The following ZNF136 variants were observed in gnomAD, a reference collection of about 807,000 sequenced individuals.
ZNF136 encodes the protein zinc finger protein 136 (clone pHZ-20).
ZNF136 carries 8 observed loss-of-function variants against 11.4 expected under a neutral mutation model. The ratio of observed to expected loss-of-function variants is 0.70; its 90% CI spans 0.41 to 1.27. ZNF136 has a LOEUF of 1.27. Among genes scored for constraint, ZNF136 ranks in the 50% most tolerant of loss-of-function variants. The pLI, the probability that ZNF136 is intolerant of heterozygous loss-of-function variation, is 0.01. For missense variants in ZNF136, 590 were observed against 656.5 expected, an observed-to-expected ratio of 0.90 and a Z score of 1.11; for synonymous variants, 190 against 207.1, an observed-to-expected ratio of 0.92 and a Z score of 0.71.
chr19:12,166,412 G>T (rs561219418), intron 1 of ZNF136, among the ~76,000 whole-genome samples: 2 of 152,102 alleles, frequency 1.3e-5, no homozygotes, highest in African/African-American at 4.8e-5. Flanking sequence ...ATGGGGGTGG[G>T]GAGAACCAAC....
chr19:12,183,086 T>C (rs1914984016), intron 1 of ZNF136, among the ~76,000 whole-genome samples: 1 of 152,136 alleles, frequency 6.6e-6, no homozygotes, highest in Admixed American at 6.6e-5. Flanking sequence ...CCAGAACATA[T>C]ATGCAGTAAG....
In ZNF136 at chr19:12,165,231, G is replaced by A. The variant is rs1017918636; in HGVS notation, c.3+2025G>A. On this transcript the variant is annotated intron_variant, in intron 1 of 3. Transcript: ENST00000343979. ...TCGCGTAATGCAGTGTCTCTTGGGCGGGTGGTCACTGAGCATTTCAGTGAG... is the reference window on the plus strand; with the variant it reads ...TCGCGTAATGCAGTGTCTCTTGGGCAGGTGGTCACTGAGCATTTCAGTGAG... Among the ~76,000 whole-genome samples, 3 of 152,132 alleles carry A rather than the reference G, an allele frequency of 2.0e-5. No individual in the cohort carries two copies. The South Asian group carries it at 6.2e-4, about 32-fold the overall frequency.
chr19:12,186,880 T>C lies in ZNF136; in HGVS notation c.502T>C (p.Tyr168His). The change falls in exon 4 of 4, where the codon TAT becomes CAT. Residue 168 changes from tyrosine to histidine, a missense_variant. Physicochemically the swap from Tyr to His is moderately conservative, Grantham distance 83 (BLOSUM62 2). Transcript: ENST00000343979. ...HEIIHTGEKL[Y>H]DCKECGKTFF... ...GATAATTCACACTGGAGAGAAACTC[T>C]ATGATTGTAAGGAATGTGGAAAAAC... is the stretch of plus-strand genomic sequence containing the variant. The C allele has an allele frequency of 6.2e-7, 1 of 1,614,106 alleles. No individual in the cohort carries two copies. Among genetic ancestry groups the C allele is most frequent in the Non-Finnish European group, 8.5e-7 (1 of 1,180,006 alleles).
Position 12,186,890 on chromosome 19 carries a change from A to G in ZNF136, c.512A>G (p.Lys171Arg), listed in dbSNP as rs754173456. The change falls in exon 4 of 4, where the codon AAG becomes AGG. Residue 171 changes from lysine (K) to arginine (R), a missense_variant. By Grantham distance (26) the Lys-to-Arg change is conservative. Transcript: ENST00000343979. ...IHTGEKLYDC[K>R]ECGKTFFSLK... ...ACTGGAGAGAAACTCTATGATTGTAAGGAATGTGGAAAAACCTTCTTTTCT... is the reference window on the plus strand; with the variant it reads ...ACTGGAGAGAAACTCTATGATTGTAGGGAATGTGGAAAAACCTTCTTTTCT... 6.2e-7 allele frequency: 1 copy of G among 1,614,028 alleles called. No homozygotes were observed. Among genetic ancestry groups the G allele is most frequent in the Non-Finnish European group, 8.5e-7 (1 of 1,179,984 alleles).
At chr19:12,175,457 A>G (rs1275404146) in intron 1 of ZNF136, among the ~76,000 whole-genome samples, 1 of 152,112 alleles carries the variant, frequency 6.6e-6, no homozygotes, top group Non-Finnish European at 1.5e-5. Flanking sequence ...AGCCTCCCAA[A>G]GTGCTGGGAT....
At chr19:12,168,002 A>T (rs552997515) in intron 1 of ZNF136, among the ~76,000 whole-genome samples, 1 of 151,162 alleles carries the variant, frequency 6.6e-6, no homozygotes, top group African/African-American at 2.4e-5. Context: ...GCCTTTTTTT[A>T]AAAAATAAAG....
chr19:12,177,067 A>G (rs1197101018), intron 1 of ZNF136, among the ~76,000 whole-genome samples: 1 of 152,250 alleles, frequency 6.6e-6, no homozygotes, highest in Admixed American at 6.5e-5. Context: ...TGTCAAAAAC[A>G]GACATCCTTG....
chr19:12,189,700 A>G lies in ZNF136; in HGVS notation c.*1699A>G, dbSNP rs1915207144. ...AATAATTTTATTTTGCTTCCTATTA[A>G]AGAGTTGTTGTTAATTCTAAGTATG... On this transcript the variant is annotated 3_prime_UTR_variant, in exon 4 of 4. Transcript: ENST00000343979. 1 of 152,042 alleles carries G rather than the reference A, an allele frequency of 6.6e-6. No individual in the cohort carries two copies. The highest frequency in any genetic ancestry group is 6.6e-5 in the Admixed American group (1 of 15,266). The allele number at this position is 152,042 out of a possible 1,614,324, so 9.4% of individuals were successfully genotyped here. A position where few individuals can be genotyped will look rare whatever the true frequency, so the allele number is the denominator to read the frequency against.
At chr19:12,183,841 A>G (rs550111694) in intron 1 of ZNF136, among the ~76,000 whole-genome samples, 2 of 152,262 alleles carry the variant, frequency 1.3e-5, no homozygotes, top group South Asian at 2.1e-4. Context: ...GGCTCAAACA[A>G]TCCTTCTGCC....
At chr19:12,175,778 C>A (rs1473732598) in intron 1 of ZNF136, among the ~76,000 whole-genome samples, 3 of 152,094 alleles carry the variant, frequency 2.0e-5, no homozygotes, top group Non-Finnish European at 4.4e-5. Flanking sequence ...TTTGATTGTC[C>A]TAAAAACCCT....
intron 1 of ZNF136, among the ~76,000 whole-genome samples, chr19:12,168,596 T>C (rs1163660475): frequency 6.6e-6 from 1 of 152,126 alleles, no homozygotes; most frequent in Non-Finnish European, 1.5e-5. Flanking sequence ...CAGAGGACAG[T>C]TGAAGTAGAG....
intron 1 of ZNF136, among the ~76,000 whole-genome samples, chr19:12,166,592 T>A (rs1349480535): frequency 1.3e-5 from 2 of 152,230 alleles, no homozygotes; most frequent in Non-Finnish European, 2.9e-5. Context: ...AGATTCTAAA[T>A]CTTAGGGAAC....
intron 1 of ZNF136, among the ~76,000 whole-genome samples, chr19:12,166,536 T>C (rs190389762): frequency 6.6e-6 from 1 of 152,328 alleles, no homozygotes; most frequent in African/African-American, 2.4e-5. Context: ...GGTGGAGAAT[T>C]TGTGACGGTG....
At chr19:12,173,895 T>G (rs1181897386) in intron 1 of ZNF136, among the ~76,000 whole-genome samples, 2 of 151,922 alleles carry the variant, frequency 1.3e-5, no homozygotes, top group Non-Finnish European at 2.9e-5. Flanking sequence ...GCTGCACAAT[T>G]GATTACTTGC....
chr19:12,188,057 A>C lies in ZNF136; in HGVS notation c.*56A>C. 3 of 1,402,838 alleles carry C rather than the reference A, an allele frequency of 2.1e-6. No individual in the cohort carries two copies. Among genetic ancestry groups the C allele is most frequent in the Non-Finnish European group, 2.8e-6 (3 of 1,063,436 alleles). 86.9% of individuals were successfully genotyped at this position (1,402,838 alleles called of 1,614,324 possible). A position where few individuals can be genotyped will look rare whatever the true frequency, so the allele number is the denominator to read the frequency against. ...TACTCACTGAAGAGAAGCCCTATGA[A>C]TGTAAGTAACGTGGGAAAGCATGAA... On this transcript the variant is annotated 3_prime_UTR_variant, in exon 4 of 4. Coordinates refer to ENST00000343979, the MANE Select transcript of ZNF136 (RefSeq NM_003437.5).
At chr19:12,170,067 T>G (rs968055314) in intron 1 of ZNF136, among the ~76,000 whole-genome samples, 4 of 149,164 alleles carry the variant, frequency 2.7e-5, no homozygotes, top group Admixed American at 1.4e-4. Flanking sequence ...GTGCTGGGAT[T>G]ACAGGCGTGA....
rs752196013 is a variant in ZNF136 at position 12,183,571 on chromosome 19, CTATCTAT to C, written c.4-2213_4-2207del. The stretch of plus-strand genomic sequence containing the variant: ...TGAATCTATCTATCTATCTATCTAT[CTATCTAT>C]CTATCTATCTATCTATCTATCTATC... On this transcript the variant is annotated intron_variant, in intron 1 of 3. Transcript: ENST00000343979. 2.3e-3 allele frequency among the ~76,000 whole-genome samples: 355 copies of C among 151,506 alleles called. 2 individuals are homozygous for C. Among genetic ancestry groups the C allele is most frequent in the Non-Finnish European group, 3.0e-3 (202 of 67,912 alleles).
Position 12,187,480 on chromosome 19 carries a change from G to C in ZNF136, c.1102G>C (p.Glu368Gln). Reference sequence around the variant, plus strand: ...TGGAGAAAAACCTTATGAATGTAAGGAATGTGGGGAAGCATTCAGTTGTAT... The same window carrying C: ...TGGAGAAAAACCTTATGAATGTAAGCAATGTGGGGAAGCATTCAGTTGTAT... Reference protein sequence around the residue: ...HTGEKPYECKECGEAFSCIPS... With the variant: ...HTGEKPYECKQCGEAFSCIPS... The change falls in exon 4 of 4, where the codon GAA (glutamate) becomes CAA (glutamine). Residue 368 changes from glutamate (E) to glutamine (Q), a missense_variant. Glu to Gln is a conservative substitution (Grantham distance 29). Transcript: ENST00000343979. 1 of 1,613,654 alleles carries C rather than the reference G, an allele frequency of 6.2e-7. No homozygotes were observed. Among genetic ancestry groups the C allele is most frequent in the Non-Finnish European group, 8.5e-7 (1 of 1,179,928 alleles).
intron 1 of ZNF136, among the ~76,000 whole-genome samples, chr19:12,180,027 G>A (rs547964980): frequency 1.1e-3 from 168 of 151,922 alleles, no homozygotes; most frequent in East Asian, 5.8e-3. Flanking sequence ...CACCACACCC[G>A]GCTAATTTTT....
Sources: gnomAD v4.1 joint callset for allele counts (sites outside exome capture counted in the v4.1 genomes callset) on GRCh38, gnomAD v4.1.1 for gene constraint, MANE v1.5 for transcripts, NCBI Gene and HGNC (gene_info 2026-07-23, HGNC 2026-07-21) for gene names.